The following PRKCA variants were observed in gnomAD, a reference collection of about 807,000 sequenced individuals.
PRKCA encodes protein kinase C alpha, also known as protein kinase C alpha type.
PRKCA carries 27 observed loss-of-function variants against 87.0 expected under a neutral mutation model. The observed-to-expected ratio is 0.31, with a 90% CI of 0.23 to 0.43. The LOEUF (loss-of-function observed/expected upper bound fraction) is 0.43, where lower values mean the gene tolerates loss of function less well. Among genes scored for constraint, PRKCA ranks in the 20% least tolerant of loss-of-function variants. The pLI, the probability that PRKCA is intolerant of heterozygous loss-of-function variation, is 1.00. For synonymous variants in PRKCA, 329 were observed against 311.1 expected, an observed-to-expected ratio of 1.06 and a Z score of -0.61; for missense variants, 518 against 852.3, an observed-to-expected ratio of 0.61 and a Z score of 4.88.
In PRKCA at chr17:66,756,792, G is replaced by A. The variant is rs1974558724; in HGVS notation, c.1524+14032G>A. Among the ~76,000 whole-genome samples the A allele has an allele frequency of 2.0e-5, 3 of 152,218 alleles. No homozygotes were observed. In the South Asian group the frequency reaches 6.2e-4, roughly 32 times the overall value. Reference sequence around the variant, plus strand: ...GTCTCCGGCCTCAGCTTCCCAAGTAGCTGGGATTACAGGCATGAGCCACCA... The same window carrying A: ...GTCTCCGGCCTCAGCTTCCCAAGTAACTGGGATTACAGGCATGAGCCACCA... On this transcript the variant is annotated intron_variant, in intron 13 of 16. Transcript: ENST00000413366.
chr17:66,596,295 A>C (rs1353979761), intron 3 of PRKCA, among the ~76,000 whole-genome samples: 1 of 152,154 alleles, frequency 6.6e-6, no homozygotes, highest in Admixed American at 6.5e-5. Flanking sequence ...AGATAAGAAA[A>C]AGCAAGCAAG....
chr17:66,774,080 TA>T lies in PRKCA; in HGVS notation c.1605+14del, dbSNP rs747132541. 1 of 1,614,102 alleles carries T rather than the reference TA, an allele frequency of 6.2e-7. No homozygotes were observed. Among genetic ancestry groups the T allele is most frequent in the Non-Finnish European group, 8.5e-7 (1 of 1,180,010 alleles). ...GCTTGCCGGGCAGGTAATGTTTTGC[TA>T]CATTTTCATGTTTGTTTATTGCTGT... On this transcript the variant is annotated intron_variant, in intron 14 of 16. Transcript: ENST00000413366.
chr17:66,661,282 G>A (rs948445690), intron 5 of PRKCA, among the ~76,000 whole-genome samples: 12 of 143,546 alleles, frequency 8.4e-5, no homozygotes, highest in Admixed American at 7.7e-4. Context: ...AATGGACTGT[G>A]ACTGGAGGGC....
intron 8 of PRKCA, among the ~76,000 whole-genome samples, chr17:66,697,768 A>G (rs1972961418): frequency 6.6e-6 from 1 of 152,164 alleles, no homozygotes; most frequent in South Asian, 2.1e-4. Flanking sequence ...GAGACACCTC[A>G]TCTACTGTTC....
At chr17:66,526,438 G>T (rs1967350258) in intron 3 of PRKCA, among the ~76,000 whole-genome samples, 1 of 152,164 alleles carries the variant, frequency 6.6e-6, no homozygotes, top group Admixed American at 6.5e-5. Context: ...CCTGTGCTCA[G>T]CTAGGCATCT....
intron 3 of PRKCA, among the ~76,000 whole-genome samples, chr17:66,552,184 A>G (rs1374569842): frequency 2.0e-5 from 3 of 152,042 alleles, no homozygotes; most frequent in Non-Finnish European, 2.9e-5. Context: ...TATACTCCCA[A>G]TGAGTCGGGA....
chr17:66,658,628 T>C (rs886516200), intron 5 of PRKCA, among the ~76,000 whole-genome samples: 1 of 152,206 alleles, frequency 6.6e-6, no homozygotes, highest in Non-Finnish European at 1.5e-5. Flanking sequence ...CCATATCATA[T>C]GGCGTTGACT....
chr17:66,665,167 G>A (rs1415814632), intron 5 of PRKCA, among the ~76,000 whole-genome samples: 1 of 152,132 alleles, frequency 6.6e-6, no homozygotes, highest in Non-Finnish European at 1.5e-5. Flanking sequence ...CTTATTTTGT[G>A]CCAAGCACTA....
At chr17:66,459,030 T>G (rs186146955) in intron 2 of PRKCA, among the ~76,000 whole-genome samples, 6 of 152,078 alleles carry the variant, frequency 3.9e-5, no homozygotes, top group African/African-American at 1.4e-4. Flanking sequence ...GTAATGGAGT[T>G]GGGATTTGAA....
At chr17:66,565,430 C>T (rs765524395) in intron 3 of PRKCA, among the ~76,000 whole-genome samples, 2 of 152,216 alleles carry the variant, frequency 1.3e-5, no homozygotes, top group Non-Finnish European at 2.9e-5. Flanking sequence ...TTCTAAGGCA[C>T]CCACCTAGCC....
At position 66,673,954 on chromosome 17, in the gene PRKCA, C is replaced by T. The variant is rs117608174; in HGVS notation, c.530-13157C>T. On this transcript the variant is annotated intron_variant, in intron 5 of 16. Coordinates refer to ENST00000413366, the MANE Select transcript of PRKCA (RefSeq NM_002737.3). ...CCACTCCTTTTGGCCTGGCTTTCTTCGCCCGTGAAAAGGCCTGGGTGGTTT... is the reference window on the plus strand; with the variant it reads ...CCACTCCTTTTGGCCTGGCTTTCTTTGCCCGTGAAAAGGCCTGGGTGGTTT... Among the ~76,000 whole-genome samples the T allele has an allele frequency of 1.4e-3, 219 of 152,348 alleles. 1 individual carries two copies. Among genetic ancestry groups the T allele is most frequent in the Non-Finnish European group, 2.4e-3 (164 of 68,032 alleles).
intron 14 of PRKCA, among the ~76,000 whole-genome samples, chr17:66,776,083 GC>G (rs2144342620): frequency 6.6e-6 from 1 of 152,340 alleles, no homozygotes; most frequent in South Asian, 2.1e-4. Context: ...CAGGGAATGT[GC>G]AGCCACGTTT....
chr17:66,381,770 C>T (rs1441843674), intron 2 of PRKCA, among the ~76,000 whole-genome samples: 1 of 152,154 alleles, frequency 6.6e-6, no homozygotes, highest in African/African-American at 2.4e-5. Flanking sequence ...AGTTTAGCTT[C>T]TTTTACCATC....
At chr17:66,546,607 T>C (rs779316197) in intron 3 of PRKCA, among the ~76,000 whole-genome samples, 16 of 152,226 alleles carry the variant, frequency 1.1e-4, no homozygotes, top group Non-Finnish European at 1.8e-4. Context: ...TTTCCAAATC[T>C]TTCTTTCCTT....
At chr17:66,650,638 G>A (rs972868800) in intron 5 of PRKCA, among the ~76,000 whole-genome samples, 2 of 152,084 alleles carry the variant, frequency 1.3e-5, no homozygotes, top group African/African-American at 2.4e-5. Flanking sequence ...AACTCTGGTC[G>A]GGGAGGGGAA....
chr17:66,668,014 A>G (rs1163533438), intron 5 of PRKCA, among the ~76,000 whole-genome samples: 2 of 152,210 alleles, frequency 1.3e-5, no homozygotes, highest in African/African-American at 4.8e-5. Context: ...CCGTTAGCCC[A>G]GTGGTCAAGT....
chr17:66,315,911 A>G (rs1265413494), intron 2 of PRKCA, among the ~76,000 whole-genome samples: 1 of 152,240 alleles, frequency 6.6e-6, no homozygotes, highest in African/African-American at 2.4e-5. Flanking sequence ...GAAGACATAT[A>G]TGAAAACAAC....
At chr17:66,425,142 G>T (rs920373016) in intron 2 of PRKCA, among the ~76,000 whole-genome samples, 14 of 152,090 alleles carry the variant, frequency 9.2e-5, no homozygotes, top group Admixed American at 8.5e-4. Flanking sequence ...TGGTCCTGTC[G>T]CTCCCAGAAG....
At chr17:66,560,845 G>A (rs985458157) in intron 3 of PRKCA, among the ~76,000 whole-genome samples, 1 of 152,194 alleles carries the variant, frequency 6.6e-6, no homozygotes, top group African/African-American at 2.4e-5. Flanking sequence ...AAGTCTGGCT[G>A]ACGGGGCTCT....
Sources: gnomAD v4.1 joint callset for allele counts (sites outside exome capture counted in the v4.1 genomes callset) on GRCh38, gnomAD v4.1.1 for gene constraint, MANE v1.5 for transcripts, NCBI Gene and HGNC (gene_info 2026-07-23, HGNC 2026-07-21) for gene names.